C1QTNF7: variants seen among roughly 807,000 people sequenced by gnomAD.
C1QTNF7 encodes C1q and TNF related 7, also known as complement C1q tumor necrosis factor-related protein 7.
A neutral mutation model predicts 19.6 loss-of-function variants in C1QTNF7; 15 were observed. That is an observed-to-expected ratio of 0.76 (90% confidence interval 0.51 to 1.18). The LOEUF (loss-of-function observed/expected upper bound fraction) is 1.18, where lower values mean the gene tolerates loss of function less well. Among genes scored for constraint, C1QTNF7 ranks in the 50% most tolerant of loss-of-function variants. The pLI is 0.00. For synonymous variants in C1QTNF7, 142 were observed against 137.5 expected, an observed-to-expected ratio of 1.03 and a Z score of -0.23; for missense variants, 324 against 359.7, an observed-to-expected ratio of 0.90 and a Z score of 0.80.
At chr4:15,393,497 G>A (rs1373439787) in intron 1 of C1QTNF7, among the ~76,000 whole-genome samples, 1 of 152,126 alleles carries the variant, frequency 6.6e-6, no homozygotes, top group Non-Finnish European at 1.5e-5. Flanking sequence ...GAATCATCTG[G>A]GATCACATTA....
At chr4:15,433,837 C>CA (rs2108936901) in intron 1 of C1QTNF7, among the ~76,000 whole-genome samples, 1 of 152,292 alleles carries the variant, frequency 6.6e-6, no homozygotes, top group East Asian at 1.9e-4. Context: ...TTGCTTCCCC[C>CA]ACATTTTAAA....
intron 1 of C1QTNF7, chr4:15,381,956 A>C (rs1182954512): frequency 6.6e-6 from 1 of 152,226 alleles, no homozygotes; most frequent in East Asian, 1.9e-4. Flanking sequence ...AAAAATGTCT[A>C]AGCAATTTCA....
At chr4:15,441,096 C>T (rs1028468076) in intron 2 of C1QTNF7, among the ~76,000 whole-genome samples, 10 of 152,152 alleles carry the variant, frequency 6.6e-5, no homozygotes, top group South Asian at 2.1e-4. Flanking sequence ...GAGCCAAGAT[C>T]GCGCCATGAC....
intron 1 of C1QTNF7, among the ~76,000 whole-genome samples, chr4:15,419,734 T>A (rs375736591): frequency 1.6e-4 from 25 of 152,264 alleles, no homozygotes; most frequent in African/African-American, 5.8e-4. Context: ...AAAAATAGCA[T>A]ATGTATTTTG....
intron 1 of C1QTNF7, among the ~76,000 whole-genome samples, chr4:15,351,977 A>C (rs929929877): frequency 6.6e-6 from 1 of 152,180 alleles, no homozygotes; most frequent in African/African-American, 2.4e-5. Flanking sequence ...AGGCAGTATA[A>C]TTTAGAGTAT....
At chr4:15,369,947 C>CATTT (rs374531416) in intron 1 of C1QTNF7, among the ~76,000 whole-genome samples, 4 of 152,182 alleles carry the variant, frequency 2.6e-5, no homozygotes, top group African/African-American at 9.6e-5. Flanking sequence ...CTTAAAGAGC[C>CATTT]ATTTAAAGAA....
chr4:15,391,767 G>A (rs1718567879), intron 1 of C1QTNF7, among the ~76,000 whole-genome samples: 2 of 152,214 alleles, frequency 1.3e-5, no homozygotes. Context: ...GATAAGGTAT[G>A]ATGAAAGCTT....
intron 1 of C1QTNF7, among the ~76,000 whole-genome samples, chr4:15,353,673 C>G (rs374273364): frequency 6.6e-6 from 1 of 151,438 alleles, no homozygotes; most frequent in Non-Finnish European, 1.5e-5. Flanking sequence ...AACCAGGGAG[C>G]GGGACAACTA....
At chr4:15,438,680 C>T (rs559902664) in intron 2 of C1QTNF7, among the ~76,000 whole-genome samples, 4 of 152,288 alleles carry the variant, frequency 2.6e-5, no homozygotes, top group South Asian at 4.1e-4. Flanking sequence ...CTTCAGATAA[C>T]ACTAGAATAA....
intron 1 of C1QTNF7, among the ~76,000 whole-genome samples, chr4:15,360,479 A>C (rs948559563): frequency 2.0e-5 from 3 of 152,286 alleles, no homozygotes; most frequent in African/African-American, 7.2e-5. Context: ...CATCGCTGTA[A>C]CTCATGCCTG....
chr4:15,396,071 C>T (rs1391775382), intron 1 of C1QTNF7, among the ~76,000 whole-genome samples: 1 of 152,148 alleles, frequency 6.6e-6, no homozygotes, highest in African/African-American at 2.4e-5. Context: ...TGCAAAATTC[C>T]AAGTAAAGCT....
intron 1 of C1QTNF7, among the ~76,000 whole-genome samples, chr4:15,359,016 C>A (rs1225979155): frequency 6.6e-6 from 1 of 152,132 alleles, no homozygotes; most frequent in Non-Finnish European, 1.5e-5. Flanking sequence ...TAAAGTGGGA[C>A]AATTGGGCAT....
intron 1 of C1QTNF7, among the ~76,000 whole-genome samples, chr4:15,422,767 G>T (rs1326894722): frequency 6.6e-6 from 1 of 151,902 alleles, no homozygotes; most frequent in Non-Finnish European, 1.5e-5. Context: ...AGCAATGGCT[G>T]GTTTTTTATT....
intron 1 of C1QTNF7, among the ~76,000 whole-genome samples, chr4:15,428,316 C>G (rs1712146514): frequency 6.6e-6 from 1 of 152,156 alleles, no homozygotes; most frequent in East Asian, 1.9e-4. Flanking sequence ...CCCCATCTAA[C>G]CTACCACAAG....
intron 1 of C1QTNF7, among the ~76,000 whole-genome samples, chr4:15,368,631 T>C (rs901735716): frequency 2.0e-5 from 3 of 152,246 alleles, no homozygotes. Context: ...CATCCCTTTT[T>C]ATGGCTGCAT....
intron 1 of C1QTNF7, among the ~76,000 whole-genome samples, chr4:15,380,167 A>C (rs1718084879): frequency 6.6e-6 from 1 of 152,246 alleles, no homozygotes; most frequent in African/African-American, 2.4e-5. Flanking sequence ...GCTGGCATGA[A>C]AATTGAACTG....
At chr4:15,438,092 A>T (rs1269818309) in intron 2 of C1QTNF7, among the ~76,000 whole-genome samples, 1 of 152,248 alleles carries the variant, frequency 6.6e-6, no homozygotes, top group African/African-American at 2.4e-5. Context: ...CAGGACCTTT[A>T]CATTTCATAT....
intron 1 of C1QTNF7, among the ~76,000 whole-genome samples, chr4:15,385,318 G>C (rs1270240247): frequency 6.6e-6 from 1 of 152,212 alleles, no homozygotes; most frequent in Non-Finnish European, 1.5e-5. Flanking sequence ...CCACAGAAAA[G>C]GAAGTGACAT....
At position 15,442,425 on chromosome 4, in the gene C1QTNF7, A is replaced by G; in HGVS notation, c.496A>G (p.Ile166Val). The change falls in exon 3 of 3, where the codon ATA becomes GTA. Residue 166 changes from isoleucine (I) to valine (V), a missense_variant. By Grantham distance (29) the Ile-to-Val change is conservative. Coordinates refer to ENST00000444304, the MANE Select transcript of C1QTNF7 (RefSeq NM_031911.5). ...CTACCCAGAAGAAAGACTACCTATT[A>G]TATTTAACAAGGTCCTCTTCAACGA... ...TSYPEERLPI[I>V]FNKVLFNEGE... 1 of 1,614,206 alleles carries G rather than the reference A, an allele frequency of 6.2e-7. No individual in the cohort carries two copies. Among genetic ancestry groups the G allele is most frequent in the Non-Finnish European group, 8.5e-7 (1 of 1,180,034 alleles).
Sources: gnomAD v4.1 joint callset for allele counts (sites outside exome capture counted in the v4.1 genomes callset) on GRCh38, gnomAD v4.1.1 for gene constraint, MANE v1.5 for transcripts, NCBI Gene and HGNC (gene_info 2026-07-23, HGNC 2026-07-21) for gene names.